The following IQSEC1 variants were observed in gnomAD, a reference collection of about 807,000 sequenced individuals.
IQSEC1 encodes the protein IQ motif and SEC7 domain-containing protein 1.
A neutral mutation model predicts 91.0 loss-of-function variants in IQSEC1; 31 were observed. That is an observed-to-expected ratio of 0.34 (90% CI 0.26 to 0.46). IQSEC1 has a LOEUF of 0.46. IQSEC1 is among the 20% of genes least tolerant of loss of function. IQSEC1 has a pLI of 1.00. For missense variants in IQSEC1, 1,388 were observed against 1,575.6 expected (o/e 0.88, Z 2.02); for synonymous variants, 699 against 662.6 (o/e 1.05, Z -0.84).
intron 2 of IQSEC1, among the ~76,000 whole-genome samples, chr3:13,108,445 C>T (rs1289038420): frequency 6.6e-6 from 1 of 152,132 alleles, no homozygotes; most frequent in East Asian, 1.9e-4. Context: ...CAAGCGCCTG[C>T]ACTGCCTTCC....
At position 13,193,608 on chromosome 3, in the gene IQSEC1, T is replaced by C. The variant is rs1181768594; in HGVS notation, c.273-29475A>G. ...GCAGTTTAGGGGGTGAGGAGAGAAG[T>C]ATCATGAGTTCAGTTTGGGGTGTGC... On this transcript the variant is annotated intron_variant, in intron 1 of 15. Coordinates refer to the IQSEC1 transcript ENST00000648114. This position sits in a 1 kb window ranked among gnomAD's most constrained non-coding sequence, Gnocchi z 4.2. 6.6e-6 allele frequency among the ~76,000 whole-genome samples: 1 copy of C among 151,998 alleles called. No individual in the cohort carries two copies. The highest frequency in any genetic ancestry group is 2.4e-5 in the African/African-American group (1 of 41,380).
At chr3:13,062,733 G>A (rs763264052) in intron 1 of IQSEC1, among the ~76,000 whole-genome samples, 4 of 152,150 alleles carry the variant, frequency 2.6e-5, no homozygotes, top group Non-Finnish European at 4.4e-5. Flanking sequence ...GAAAACGCTC[G>A]GTGTTATCGT....
chr3:13,010,161 T>C (rs1444805688), intron 1 of IQSEC1, among the ~76,000 whole-genome samples: 4 of 152,220 alleles, frequency 2.6e-5, no homozygotes, highest in African/African-American at 9.6e-5. Flanking sequence ...CGGCAGGTCT[T>C]AGCAGGTCAT....
intron 1 of IQSEC1, among the ~76,000 whole-genome samples, chr3:13,039,190 A>G (rs1704158984): frequency 6.6e-6 from 1 of 152,248 alleles, no homozygotes; most frequent in African/African-American, 2.4e-5. Flanking sequence ...GGCCAGAGCT[A>G]AAGAGTCTAT....
At position 13,102,097 on chromosome 3, in the gene IQSEC1, G is replaced by A. The variant is rs181588013; in HGVS notation, c.303-54575C>T. On this transcript the variant is annotated intron_variant, in intron 2 of 15. Coordinates refer to the IQSEC1 transcript ENST00000648114. The stretch of plus-strand genomic sequence containing the variant: ...GTTTGAGACCAGCCTGGGCAATGTG[G>A]CGAGACCCTGTCTCTACAAAAAATG... Among the ~76,000 whole-genome samples, 6 of 151,914 alleles carry A rather than the reference G, an allele frequency of 3.9e-5. No homozygotes were observed. The East Asian group carries it at 9.8e-4, about 25-fold the overall frequency.
chr3:13,050,144 C>G (rs1006204108), intron 1 of IQSEC1, among the ~76,000 whole-genome samples: 3 of 150,874 alleles, frequency 2.0e-5, no homozygotes, highest in African/African-American at 7.3e-5. Context: ...CCCTCCAAGA[C>G]AGTATAGCTA....
intron 2 of IQSEC1, among the ~76,000 whole-genome samples, chr3:13,108,832 A>T (rs1706195308): frequency 6.6e-6 from 1 of 152,242 alleles, no homozygotes; most frequent in African/African-American, 2.4e-5. Flanking sequence ...CTCACAAATA[A>T]AACAGAAGCC....
chr3:13,091,887 C>G (rs1321086998), intron 2 of IQSEC1, among the ~76,000 whole-genome samples: 2 of 152,026 alleles, frequency 1.3e-5, no homozygotes, highest in African/African-American at 2.4e-5. Context: ...CAGGCTTCCT[C>G]CCAGGTCTCC....
intron 1 of IQSEC1, among the ~76,000 whole-genome samples, chr3:13,026,082 C>T (rs1021028490): frequency 3.9e-5 from 6 of 152,218 alleles, no homozygotes; most frequent in Non-Finnish European, 8.8e-5. Context: ...TGGCCAGCAG[C>T]GGCCCTGGCA....
At chr3:13,023,624 C>A (rs1703494963) in intron 1 of IQSEC1, among the ~76,000 whole-genome samples, 1 of 152,196 alleles carries the variant, frequency 6.6e-6, no homozygotes, top group African/African-American at 2.4e-5. Flanking sequence ...GCTCTGTCCC[C>A]AGGCCCCACC....
At chr3:13,024,482 CATCT>C (rs145146534) in intron 1 of IQSEC1, among the ~76,000 whole-genome samples, 6,459 of 150,212 alleles carry the variant, frequency 0.043, 241 homozygotes, top group East Asian at 0.15. Flanking sequence ...CCCATCCATC[CATCT>C]GTCCATCCAT....
intron 2 of IQSEC1, among the ~76,000 whole-genome samples, chr3:13,160,353 G>A (rs897358052): frequency 2.0e-5 from 3 of 152,108 alleles, no homozygotes; most frequent in African/African-American, 7.2e-5. Flanking sequence ...TAGAGACGGG[G>A]TCCGGCTATG....
In IQSEC1 at chr3:13,264,603, C is replaced by A. The variant is rs79544121; in HGVS notation, c.272+18108G>T. Among the ~76,000 whole-genome samples the A allele has an allele frequency of 6.6e-3, 1,007 of 152,254 alleles. 7 individuals are homozygous for A. Among genetic ancestry groups the A allele is most frequent in the African/African-American group, 0.023 (954 of 41,526 alleles). On this transcript the variant is annotated intron_variant, in intron 1 of 15. Coordinates refer to the IQSEC1 transcript ENST00000648114. The stretch of plus-strand genomic sequence containing the variant: ...CCCCTGGGGGACTGGCTTGGCATCT[C>A]CGGGCTCTAGCATCACTCTGCAGGA...
At chr3:13,198,304 T>C (rs1183487818) in intron 1 of IQSEC1, among the ~76,000 whole-genome samples, 1 of 152,058 alleles carries the variant, frequency 6.6e-6, no homozygotes, top group Non-Finnish European at 1.5e-5. Flanking sequence ...CTTGCAACCA[T>C]GTAAACACAA....
chr3:13,117,812 G>A (rs1706361287), intron 2 of IQSEC1, among the ~76,000 whole-genome samples: 1 of 152,106 alleles, frequency 6.6e-6, no homozygotes, highest in African/African-American at 2.4e-5. Context: ...TTGAACCCGG[G>A]AGGCAGAGGT....
At chr3:13,127,820 C>T (rs911052328) in intron 2 of IQSEC1, among the ~76,000 whole-genome samples, 1 of 152,182 alleles carries the variant, frequency 6.6e-6, no homozygotes, top group African/African-American at 2.4e-5. Flanking sequence ...TTCTTTCTTT[C>T]ATCTGCATGT....
chr3:13,099,986 G>A (rs560798335), intron 2 of IQSEC1, among the ~76,000 whole-genome samples: 4 of 122,668 alleles, frequency 3.3e-5, no homozygotes, highest in African/African-American at 1.4e-4. Context: ...GGAGGTGACG[G>A]GGACAGTGGG....
chr3:13,250,181 G>A (rs1695169594), intron 1 of IQSEC1, among the ~76,000 whole-genome samples: 1 of 152,176 alleles, frequency 6.6e-6, no homozygotes, highest in Non-Finnish European at 1.5e-5. Flanking sequence ...TAAAAGCTCT[G>A]CAGATTCAAC....
chr3:13,063,204 C>T (rs1705127816), intron 1 of IQSEC1, among the ~76,000 whole-genome samples: 1 of 152,246 alleles, frequency 6.6e-6, no homozygotes, highest in Admixed American at 6.5e-5. Flanking sequence ...CTGCCCTAGT[C>T]CTGCCCACAA....
Sources: gnomAD v4.1 joint callset for allele counts (sites outside exome capture counted in the v4.1 genomes callset) on GRCh38, gnomAD v4.1.1 for gene constraint, Gnocchi (gnomAD v3.1) non-coding constraint, MANE v1.5 for transcripts, NCBI Gene and HGNC (gene_info 2026-07-23, HGNC 2026-07-21) for gene names.